Variants in OPLAH observed in about 807,000 individuals in gnomAD.
OPLAH encodes the protein 5-oxoprolinase, ATP-hydrolysing, also known as 5-oxoprolinase.
Under a neutral mutation model 122.8 loss-of-function variants are expected in OPLAH, and 103 were observed. The ratio of observed to expected loss-of-function variants is 0.84; its 90% CI spans 0.71 to 0.99. The LOEUF is 0.99. Ranked by LOEUF, OPLAH falls within the 50% of genes least tolerant of loss-of-function variation. The probability of loss-of-function intolerance (pLI) is 0.00; values close to 1 mark genes in which losing one functional copy is unlikely to be tolerated. For missense variants in OPLAH, 1,902 were observed against 1,836.5 expected (o/e 1.04, Z -0.65); for synonymous variants, 875 against 796.0 (o/e 1.10, Z -1.67).
chr8:144,060,125 G>A (rs1410619819), intron 1 of OPLAH, 40 bp from the exon 2 acceptor site: 1 of 1,381,768 alleles, frequency 7.2e-7, no homozygotes, highest in Non-Finnish European at 9.8e-7. Context: ...ACCTGCGAGT[G>A]GGACTAGAGG....
Position 144,055,769 on chromosome 8 carries a change from C to G in OPLAH, c.2248+19G>C, listed in dbSNP as rs374809391. 1.3e-6 allele frequency: 2 copies of G among 1,491,364 alleles called. No homozygotes were observed. Among genetic ancestry groups the G allele is most frequent in the Non-Finnish European group, 1.8e-6 (2 of 1,113,058 alleles). The allele number at this position is 1,491,364 out of a possible 1,614,324, so 92.4% of individuals were successfully genotyped here. ...AGCCGGCGCCTCATCCCACAGGGAGCCTGGCAGCGGCCACTCACCAGCAAT... is the reference window on the plus strand; with the variant it reads ...AGCCGGCGCCTCATCCCACAGGGAGGCTGGCAGCGGCCACTCACCAGCAAT... On this transcript the variant is annotated intron_variant, in intron 16 of 26. Coordinates refer to ENST00000618853, the MANE Select transcript of OPLAH (RefSeq NM_017570.5). This position sits in a 1 kb window ranked among gnomAD's most constrained non-coding sequence, Gnocchi z 6.5.
At position 144,052,596 on chromosome 8, in the gene OPLAH, G is replaced by A. The variant is rs782559583; in HGVS notation, c.3156C>T (p.Gly1052=). 6.3e-6 allele frequency: 10 copies of A among 1,593,642 alleles called. No homozygotes were observed. The Admixed American group carries it at 1.7e-4, about 27-fold the overall frequency. ...TGACCACGCGCACTGGCGCCAGGCA[G>A]CCCTGTGCGGGGCGGGCGGCTCTCA... is the stretch of plus-strand genomic sequence containing the variant. ...LVGRDIPLNQ[G]CLAPVRVVIP... The change falls in exon 23 of 27, where the codon GGC becomes GGT. Residue 1052 remains glycine (G), a splice_region_variant and synonymous_variant. Transcript: ENST00000618853.
chr8:144,052,361 G>A (rs1378622486), intron 23 of OPLAH, 35 bp from the exon 24 acceptor site: 1 of 1,510,856 alleles, frequency 6.6e-7, no homozygotes, highest in Non-Finnish European at 8.8e-7. Flanking sequence ...GCTGGGCTGG[G>A]GCAGGGCGTC....
At chr8:144,051,061 G>T, downstream of OPLAH, 1 of 1,316,110 alleles carries the variant, frequency 7.6e-7, no homozygotes, top group Non-Finnish European at 9.7e-7. Flanking sequence ...GGAGTTCCCG[G>T]GTGGCTGGGC....
At position 144,052,328 on chromosome 8, in the gene OPLAH, T is replaced by A. The variant is rs1835401708; in HGVS notation, c.3304-2A>T. The A allele has an allele frequency of 6.6e-7, 1 of 1,519,232 alleles. No individual in the cohort carries two copies. Among genetic ancestry groups the A allele is most frequent in the Non-Finnish European group, 8.8e-7 (1 of 1,136,482 alleles). The allele number at this position is 1,519,232 out of a possible 1,614,324, so 94.1% of individuals were successfully genotyped here. Reference sequence around the variant, plus strand: ...CAGGGTCACGTTGTTCATGCAGCCCTGGTGAGGGCACCTGGTCGCTGCGCT... The same window carrying A: ...CAGGGTCACGTTGTTCATGCAGCCCAGGTGAGGGCACCTGGTCGCTGCGCT... On this transcript the variant is annotated splice_acceptor_variant, in intron 23 of 26. Transcript: ENST00000618853. LOFTEE classifies it high-confidence loss of function.
chr8:144,058,098 C>T lies in OPLAH; in HGVS notation c.1000G>A (p.Glu334Lys), dbSNP rs1554759834. The change falls in exon 8 of 27, where the codon GAG becomes AAG. Residue 334 changes from glutamate to lysine, a missense_variant. By Grantham distance (56) the Glu-to-Lys change is moderately conservative. This residue lies in a region of OPLAH where 1,726 missense variants were observed against 1,642.1 expected (regional missense o/e 1.05). Transcript: ENST00000618853. ...AGGGTGACGCCAGCTGTGCTGGCCT[C>T]GAAGACGTGCTCGAATTCCCCAGCA... ...RYAGEFEHVF[E>K]ASTAGVTLQA... The T allele has an allele frequency of 1.9e-6, 3 of 1,612,376 alleles. No homozygotes were observed. Among genetic ancestry groups the T allele is most frequent in the Non-Finnish European group, 8.5e-7 (1 of 1,179,818 alleles).
chr8:144,052,626 C>T (rs1835411836), intron 22 of OPLAH, 28 bp from the exon 23 acceptor site: 5 of 1,572,764 alleles, frequency 3.2e-6, no homozygotes, highest in East Asian at 4.6e-5. Context: ...CTCTCAGGAG[C>T]TCTTGGGGTG....
intron 14 of OPLAH, 34 bp downstream of exon 14, chr8:144,056,351 G>A (rs782193410): frequency 6.3e-7 from 1 of 1,595,792 alleles, no homozygotes; most frequent in Middle Eastern, 1.7e-4. Context: ...TGCCCCATGG[G>A]TGCTGTCAGG....
downstream of OPLAH, chr8:144,050,792 C>G: frequency 1.0e-6 from 1 of 987,594 alleles, no homozygotes; most frequent in South Asian, 4.6e-5. Context: ...CCGGATCCCC[C>G]AGGGACCGCG....
chr8:144,058,793 C>T lies in OPLAH; in HGVS notation c.567G>A (p.Val189=), dbSNP rs781927850. 9 of 1,603,964 alleles carry T rather than the reference C, an allele frequency of 5.6e-6. No homozygotes were observed. In the Admixed American group the frequency reaches 1.5e-4, roughly 27 times the overall value. The stretch of plus-strand genomic sequence containing the variant: ...CTCACGTGTACGAGTGCATGAGCAC[C>T]ACAGCCAGGCTGCGGATGCCTCGAG... ...LLSRGIRSLA[V]VLMHSYTWAQ... Residue 189 remains valine, a synonymous_variant, in exon 5 of 27, where the codon GTG becomes GTA. Transcript: ENST00000618853.
intron 6 of OPLAH, 30 bp from the exon 7 acceptor site, chr8:144,058,434 G>A (rs1011669730): frequency 6.3e-7 from 1 of 1,585,468 alleles, no homozygotes; most frequent in Non-Finnish European, 8.5e-7. Flanking sequence ...GGGCCATGAG[G>A]GGCAGGCCAA....
chr8:144,052,219 G>C lies in OPLAH; in HGVS notation c.3411C>G (p.His1137Gln). The C allele has an allele frequency of 6.3e-7, 1 of 1,577,600 alleles. No individual in the cohort carries two copies. The highest frequency in any genetic ancestry group is 1.1e-5 in the South Asian group (1 of 88,122). Residue 1137 changes from histidine (H) to glutamine (Q), a missense_variant, in exon 24 of 27, where the codon CAC becomes CAG. By Grantham distance (24) the His-to-Gln change is conservative. Transcript: ENST00000618853. ...GPSWHGRSGVHSHMTNTRITD... is the reference protein window; with the variant it reads ...GPSWHGRSGVQSHMTNTRITD... ...TGATGCGTGTGTTGGTCATGTGGCT[G>C]TGCACACCGCTGCGCCCGTGCCAGC...
chr8:144,052,925 G>A (rs969247148), intron 21 of OPLAH, 25 bp from the exon 22 acceptor site: 2 of 1,563,796 alleles, frequency 1.3e-6, no homozygotes, highest in Admixed American at 3.8e-5. Flanking sequence ...GGAAGGGAGA[G>A]GCTGTCAGCG....
chr8:144,062,231 A>G (rs1357650160), upstream of OPLAH, among the ~76,000 whole-genome samples: 1 of 152,078 alleles, frequency 6.6e-6, no homozygotes, highest in Non-Finnish European at 1.5e-5. Context: ...AGTGGACTCC[A>G]GCTCCCCATA....
chr8:144,050,434 C>CTTT (rs1835346888), downstream of OPLAH: 6 of 985,632 alleles, frequency 6.1e-6, no homozygotes, highest in Non-Finnish European at 7.2e-6. Context: ...CCTGGGCGAC[C>CTTT]TAAACTTCGA....
chr8:144,056,121 T>C, intron 15 of OPLAH, 26 bp downstream of exon 15: 1 of 1,591,624 alleles, frequency 6.3e-7, no homozygotes, highest in Admixed American at 1.7e-5. Context: ...GTCCACATCC[T>C]CCACCCTGGC....
intron 12 of OPLAH, 40 bp from the exon 13 acceptor site, chr8:144,056,795 G>A (rs1554759310): frequency 1.3e-6 from 2 of 1,571,420 alleles, no homozygotes; most frequent in African/African-American, 2.7e-5. Context: ...CAAACCCCCT[G>A]CCCTGACCCC....
rs781835612 is a variant in OPLAH, at chr8:144,051,962, C to G, written c.3576G>C (p.Leu1192=). ...RELLFREEAL[L]SVLTERRAFR... Reference sequence around the variant, plus strand: ...AGGCGCGGCGCTCGGTCAGCACTGACAGCAGCGCCTCCTCACGAAAGAGCA... The same window carrying G: ...AGGCGCGGCGCTCGGTCAGCACTGAGAGCAGCGCCTCCTCACGAAAGAGCA... The change falls in exon 25 of 27, where the codon CTG becomes CTC. Residue 1192 remains leucine (L), a synonymous_variant. Transcript: ENST00000618853. 9 of 1,568,538 alleles carry G rather than the reference C, an allele frequency of 5.7e-6. No individual in the cohort carries two copies. Among genetic ancestry groups the G allele is most frequent in the Admixed American group, 1.8e-5 (1 of 54,550 alleles).
In OPLAH at chr8:144,055,166, G is replaced by A. The variant is rs554896961; in HGVS notation, c.2272C>T (p.Arg758Cys). The A allele has an allele frequency of 4.8e-5, 75 of 1,554,494 alleles. No homozygotes were observed. The highest frequency in any genetic ancestry group is 2.2e-4 in the Admixed American group (11 of 51,018). ...IAEQMGRILQ[R>C]TAISTNIKER... is the part of the protein sequence containing the mutation. ...TTGATGTTGGTGGAGATGGCTGTGC[G>A]CTGCAGGATGCGGCCCATCTGCTCT... Residue 758 changes from arginine (R) to cysteine (C), a missense_variant, in exon 17 of 27, where the codon CGC becomes TGC. Physicochemically the swap from Arg to Cys is radical, Grantham distance 180. Coordinates refer to ENST00000618853, the MANE Select transcript of OPLAH (RefSeq NM_017570.5). This position sits in a 1 kb window ranked among gnomAD's most constrained non-coding sequence, Gnocchi z 6.5.
Sources: allele counts gnomAD v4.1 joint callset (sites outside exome capture counted in the v4.1 genomes callset), GRCh38; gene constraint gnomAD v4.1.1; regional missense constraint gnomAD v4.1.1; non-coding constraint Gnocchi (gnomAD v3.1); transcripts MANE v1.5; gene names NCBI Gene and HGNC (gene_info 2026-07-23, HGNC 2026-07-21).